Variants in TPGS2 observed in about 807,000 individuals in gnomAD.
TPGS2 encodes tubulin polyglutamylase complex subunit 2.
In TPGS2, 26 loss-of-function variants were observed where a neutral mutation model predicts 31.1. The ratio of observed to expected loss-of-function variants is 0.84; its 90% CI spans 0.61 to 1.16. The LOEUF (loss-of-function observed/expected upper bound fraction) is 1.16. Among genes scored for constraint, TPGS2 ranks in the 50% most tolerant of loss-of-function variants. TPGS2 has a pLI of 0.00. For synonymous variants in TPGS2, 130 were observed against 136.6 expected, an observed-to-expected ratio of 0.95 and a Z score of 0.34; for missense variants, 351 against 363.8, an observed-to-expected ratio of 0.96 and a Z score of 0.29.
chr18:36,808,228 CAG>C (rs1475193863), intron 2 of TPGS2, among the ~76,000 whole-genome samples: 2 of 152,208 alleles, frequency 1.3e-5, no homozygotes, highest in Non-Finnish European at 1.5e-5. Context: ...GAAGAGGAGA[CAG>C]GGGAACATGG....
At position 36,800,850 on chromosome 18, in the gene TPGS2, T is replaced by C. The variant is rs543698808; in HGVS notation, c.383-539A>G. On this transcript the variant is annotated intron_variant, in intron 4 of 6. Coordinates refer to ENST00000334295, the MANE Select transcript of TPGS2 (RefSeq NM_015476.4). ...GACTACCGGCATGTGCCACCACGCC[T>C]GGCTAATTTTTGTATTTTTAGTAGG... Among the ~76,000 whole-genome samples, 23 of 152,210 alleles carry C rather than the reference T, an allele frequency of 1.5e-4. No homozygotes were observed. The South Asian group carries it at 4.8e-3, about 32-fold the overall frequency.
chr18:36,818,782 G>T (rs1223224824), intron 2 of TPGS2, 112 bp downstream of exon 2: 1 of 977,546 alleles, frequency 1.0e-6, no homozygotes, highest in Non-Finnish European at 1.5e-6. Flanking sequence ...ACTCTACCTT[G>T]AAAGCAGCTG....
At chr18:36,806,807 C>T (rs1174930899) in intron 3 of TPGS2, among the ~76,000 whole-genome samples, 4 of 138,086 alleles carry the variant, frequency 2.9e-5, no homozygotes, top group East Asian at 2.3e-4. Context: ...GCAGAGATCG[C>T]GCCACTGTAC....
intron 4 of TPGS2, among the ~76,000 whole-genome samples, chr18:36,802,351 C>T (rs2044862887): frequency 6.6e-6 from 1 of 152,244 alleles, no homozygotes; most frequent in African/African-American, 2.4e-5. Flanking sequence ...ATTCCAGCTT[C>T]TGCCTGCTTT....
At chr18:36,799,030 A>G (rs1394831040) in intron 5 of TPGS2, among the ~76,000 whole-genome samples, 1 of 152,138 alleles carries the variant, frequency 6.6e-6, no homozygotes, top group East Asian at 1.9e-4. Context: ...GGTGCCATGA[A>G]AAACAAAAAG....
intron 1 of TPGS2, among the ~76,000 whole-genome samples, chr18:36,824,140 G>C (rs1458367549): frequency 6.6e-6 from 1 of 152,116 alleles, no homozygotes; most frequent in East Asian, 1.9e-4. Context: ...TGTGGCTTTT[G>C]CAACTGGCTT....
intron 6 of TPGS2, among the ~76,000 whole-genome samples, chr18:36,787,715 T>C (rs891603404): frequency 2.0e-5 from 3 of 152,190 alleles, no homozygotes; most frequent in African/African-American, 7.2e-5. Flanking sequence ...GGCTACAGAA[T>C]AGAGCAATTC....
rs565566588 is a variant in TPGS2 at position 36,787,242 on chromosome 18, G to A, written c.658-4111C>T. ...CAGCAGTTTTCCTGAACTATGAGAG[G>A]TCACTGCAGTATGTGGACTATTCAG... is the stretch of plus-strand genomic sequence containing the variant. On this transcript the variant is annotated intron_variant, in intron 6 of 6. Coordinates refer to the TPGS2 transcript ENST00000587129. 1.2e-4 allele frequency among the ~76,000 whole-genome samples: 18 copies of A among 152,306 alleles called. No homozygotes were observed. In the South Asian group the frequency reaches 2.7e-3, roughly 23 times the overall value.
chr18:36,802,640 C>T (rs1045354351), intron 4 of TPGS2, among the ~76,000 whole-genome samples: 1 of 152,006 alleles, frequency 6.6e-6, no homozygotes, highest in Non-Finnish European at 1.5e-5. Flanking sequence ...TCTTTTGCTA[C>T]TTTTTTGAGA....
At position 36,796,931 on chromosome 18, in the gene TPGS2, T is replaced by C; in HGVS notation, c.777A>G (p.Val259=). ...GCACAGGCCCTTTCTTTTTTGGGAT[T>C]ACGATCTTGTTCTTGCTCTTAAACA... ...SKVFKSKNKI[V]IPKKKGPVQP... Residue 259 remains valine, a synonymous_variant, in exon 7 of 7, where the codon GTA becomes GTG. Coordinates refer to ENST00000334295, the MANE Select transcript of TPGS2 (RefSeq NM_015476.4). 1 of 1,609,468 alleles carries C rather than the reference T, an allele frequency of 6.2e-7. No individual in the cohort carries two copies. Among genetic ancestry groups the C allele is most frequent in the South Asian group, 1.1e-5 (1 of 89,518 alleles).
Position 36,795,901 on chromosome 18 carries a change from T to C in TPGS2, c.*904A>G. Reference sequence around the variant, plus strand: ...AGTGTCTGGCACCATTAAAACTCTTTCTTTATGAAGAGTTGTGCAAAACAA... The same window carrying C: ...AGTGTCTGGCACCATTAAAACTCTTCCTTTATGAAGAGTTGTGCAAAACAA... On this transcript the variant is annotated 3_prime_UTR_variant, in exon 7 of 7. Coordinates refer to ENST00000334295, the MANE Select transcript of TPGS2 (RefSeq NM_015476.4). 4.1e-6 allele frequency: 4 copies of C among 985,468 alleles called. No homozygotes were observed. Among genetic ancestry groups the C allele is most frequent in the Non-Finnish European group, 4.8e-6 (4 of 829,938 alleles). The allele number at this position is 985,468 out of a possible 1,614,324, so 61.0% of individuals were successfully genotyped here. A position where few individuals can be genotyped will look rare whatever the true frequency, so the allele number is the denominator to read the frequency against.
chr18:36,816,982 T>A (rs2045685867), intron 2 of TPGS2, among the ~76,000 whole-genome samples: 1 of 152,242 alleles, frequency 6.6e-6, no homozygotes, highest in Non-Finnish European at 1.5e-5. Context: ...TCATATCTTT[T>A]CTGTTACTGT....
chr18:36,798,223 C>G, intron 6 of TPGS2: 1 of 1,375,872 alleles, frequency 7.3e-7, no homozygotes. Flanking sequence ...ATAAAACTCC[C>G]CAGTTAATTC....
At chr18:36,822,043 G>A (rs1029082825) in intron 1 of TPGS2, among the ~76,000 whole-genome samples, 1 of 152,196 alleles carries the variant, frequency 6.6e-6, no homozygotes. Flanking sequence ...TTTCACAGGT[G>A]TTTTGGTCTC....
chr18:36,794,675 C>T lies in TPGS2; in HGVS notation c.*2130G>A. 1.0e-6 allele frequency: 1 copy of T among 985,402 alleles called. No individual in the cohort carries two copies. The highest frequency in any genetic ancestry group is 4.7e-5 in the South Asian group (1 of 21,286). 61.0% of individuals were successfully genotyped at this position (985,402 alleles called of 1,614,324 possible). On this transcript the variant is annotated 3_prime_UTR_variant, in exon 7 of 7. Coordinates refer to ENST00000334295, the MANE Select transcript of TPGS2 (RefSeq NM_015476.4). ...AGAAAAATACTTCTGGAAGACTAAA[C>T]TCCAGCTATTGTCCTCAACAACTTG...
intron 2 of TPGS2, among the ~76,000 whole-genome samples, chr18:36,816,769 C>T (rs993296420): frequency 1.6e-4 from 25 of 152,226 alleles, no homozygotes; most frequent in African/African-American, 2.6e-4. Context: ...CCATCACGCC[C>T]GGCTAATTTT....
At position 36,796,209 on chromosome 18, in the gene TPGS2, CAACATT is replaced by C. The variant is rs1432053832; in HGVS notation, c.*590_*595del. 3.0e-6 allele frequency: 3 copies of C among 985,186 alleles called. No homozygotes were observed. The African/African-American group carries it at 5.2e-5, about 17-fold the overall frequency. 61.0% of individuals were successfully genotyped at this position (985,186 alleles called of 1,614,324 possible). On this transcript the variant is annotated 3_prime_UTR_variant, in exon 7 of 7. Transcript: ENST00000334295. ...ATTATGACCCATCCAATGAAGACATCAACATTAACAACAAAAATTAATTGAGGAAGA... is the reference window on the plus strand; with the variant it reads ...ATTATGACCCATCCAATGAAGACATCAACAACAAAAATTAATTGAGGAAGA...
At position 36,828,905 on chromosome 18, in the gene TPGS2, C is replaced by G. The variant is rs2046336025; in HGVS notation, c.-138G>C. On this transcript the variant is annotated 5_prime_UTR_variant, in exon 1 of 7. Transcript: ENST00000334295. ...GCGCGGCGCAGTGATGATGGGGGCC[C>G]GGGGTTGGTCTGACAGCAGCAGCTC... The G allele has an allele frequency of 8.9e-7, 1 of 1,118,852 alleles. No homozygotes were observed. The highest frequency in any genetic ancestry group is 1.5e-5 in the South Asian group (1 of 65,248). The allele number at this position is 1,118,852 out of a possible 1,614,324, so 69.3% of individuals were successfully genotyped here.
In TPGS2 at chr18:36,795,284, C is replaced by T. The variant is rs1232357130; in HGVS notation, c.*1521G>A. The T allele has an allele frequency of 1.4e-5, 14 of 985,330 alleles. No homozygotes were observed. The highest frequency in any genetic ancestry group is 1.4e-5 in the Non-Finnish European group (12 of 829,976). The allele number at this position is 985,330 out of a possible 1,614,324, so 61.0% of individuals were successfully genotyped here. On this transcript the variant is annotated 3_prime_UTR_variant, in exon 7 of 7. Transcript: ENST00000334295. ...GGTTTGGAAGAGGGAAACCCTGGGT[C>T]GATTAGCAGGTAGACAGTGCAAAGG...
Sources: gnomAD v4.1 joint callset for allele counts (sites outside exome capture counted in the v4.1 genomes callset) on GRCh38, gnomAD v4.1.1 for gene constraint, MANE v1.5 for transcripts, NCBI Gene and HGNC (gene_info 2026-07-23, HGNC 2026-07-21) for gene names.